ESRRB: variants seen among roughly 807,000 people sequenced by gnomAD.
The protein encoded by ESRRB is estrogen related receptor beta, also known as steroid hormone receptor ERR2.
Under a neutral mutation model 46.0 loss-of-function variants are expected in ESRRB, and 16 were observed. The observed-to-expected ratio is 0.35, with a 90% CI of 0.24 to 0.53. The LOEUF is 0.53. ESRRB is among the 20% of genes least tolerant of loss of function. The pLI is 0.93. For synonymous variants in ESRRB, 246 were observed against 259.6 expected (o/e 0.95, Z 0.50); for missense variants, 488 against 607.4 (o/e 0.80, Z 2.07).
intron 1 of ESRRB, among the ~76,000 whole-genome samples, chr14:76,332,592 A>AT (rs58437009): frequency 0.021 from 529 of 24,834 alleles, 21 homozygotes; most frequent in East Asian, 0.048. Context: ...ATATTTATAT[A>AT]TTATATATTA....
chr14:76,360,783 T>C (rs921965022), intron 1 of ESRRB, among the ~76,000 whole-genome samples: 8 of 152,308 alleles, frequency 5.3e-5, no homozygotes, highest in Middle Eastern at 3.4e-3. Context: ...TAACAGTTGA[T>C]AGATAAAGAG....
intron 3 of ESRRB, among the ~76,000 whole-genome samples, chr14:76,478,422 C>T (rs376704729): frequency 8.4e-4 from 117 of 139,612 alleles, no homozygotes; most frequent in African/African-American, 2.9e-3. Flanking sequence ...CTTGCCTTGC[C>T]GAGGGACAGA....
Position 76,482,077 on chromosome 14 carries a change from G to A in ESRRB, c.639G>A (p.Glu213=), listed in dbSNP as rs1889827584. 2 of 1,614,128 alleles carry A rather than the reference G, an allele frequency of 1.2e-6. No individual in the cohort carries two copies. The highest frequency in any genetic ancestry group is 3.3e-5 in the Admixed American group (2 of 60,008). ...AATACAAGCGACGGCTGGACTCAGA[G>A]AGCAGCCCATACCTGAGCTTACAAA... ...RQKYKRRLDS[E]SSPYLSLQIS... is the part of the protein sequence containing the mutation. The change falls in exon 4 of 7, where the codon GAG becomes GAA. Residue 213 remains glutamate, a synonymous_variant. Coordinates refer to ENST00000644823, the MANE Select transcript of ESRRB (RefSeq NM_001379180.1). This position sits in a 1 kb window ranked among gnomAD's most constrained non-coding sequence, Gnocchi z 4.3.
In ESRRB at chr14:76,453,458, T is replaced by C. The variant is rs185459625; in HGVS notation, c.461-9087T>C. Among the ~76,000 whole-genome samples the C allele has an allele frequency of 4.6e-5, 7 of 152,250 alleles. No homozygotes were observed. The East Asian group carries it at 1.3e-3, about 29-fold the overall frequency. Reference sequence around the variant, plus strand: ...AGAGGATGACTCTGTGAAAAAAACATGAAAACAATGACTGATCAAAAATGA... The same window carrying C: ...AGAGGATGACTCTGTGAAAAAAACACGAAAACAATGACTGATCAAAAATGA... On this transcript the variant is annotated intron_variant, in intron 2 of 6. Coordinates refer to ENST00000644823, the MANE Select transcript of ESRRB (RefSeq NM_001379180.1).
At chr14:76,344,231 A>G (rs1884222911) in intron 1 of ESRRB, among the ~76,000 whole-genome samples, 1 of 152,236 alleles carries the variant, frequency 6.6e-6, no homozygotes, top group Admixed American at 6.5e-5. Context: ...TGCTCAAAAT[A>G]TTCACTATTG....
In ESRRB at chr14:76,418,491, C is replaced by A. The variant is rs1049359132; in HGVS notation, c.51-20850C>A. 2.0e-5 allele frequency among the ~76,000 whole-genome samples: 3 copies of A among 152,170 alleles called. No homozygotes were observed. In the East Asian group the frequency reaches 5.8e-4, roughly 29 times the overall value. ...ATTTTTCCATTGATGTCCTTTTTCT[C>A]TTCCAGGATCCCATGCAGAATCCCA... On this transcript the variant is annotated intron_variant, in intron 1 of 6. Coordinates refer to ENST00000644823, the MANE Select transcript of ESRRB (RefSeq NM_001379180.1).
intron 1 of ESRRB, among the ~76,000 whole-genome samples, chr14:76,416,519 G>C (rs1330456509): frequency 1.3e-5 from 2 of 151,998 alleles, no homozygotes; most frequent in Non-Finnish European, 2.9e-5. Context: ...GCCCGGGCTA[G>C]AGTGCAATGG....
chr14:76,327,772 T>C (rs1883952659), intron 1 of ESRRB, among the ~76,000 whole-genome samples: 1 of 152,122 alleles, frequency 6.6e-6, no homozygotes, highest in Non-Finnish European at 1.5e-5. Flanking sequence ...GGTGTGATCT[T>C]GGCTCACTGC....
At chr14:76,388,147 G>T (rs1234393076) in intron 1 of ESRRB, among the ~76,000 whole-genome samples, 1 of 150,564 alleles carries the variant, frequency 6.6e-6, no homozygotes. Context: ...GTCGCTCATT[G>T]CATCTAGAAT....
rs116426469 is a variant in ESRRB at position 76,340,890 on chromosome 14, C to T, written c.2+29974C>T. On this transcript the variant is annotated intron_variant, in intron 1 of 6. Coordinates refer to the ESRRB transcript ENST00000512784. The stretch of plus-strand genomic sequence containing the variant: ...GTGGAGCTGAACTGCAATGTCTGCT[C>T]TCTCTGTTATGAACTGAGTGAGCTC... Among the ~76,000 whole-genome samples the T allele has an allele frequency of 4.6e-3, 705 of 152,278 alleles. 5 individuals are homozygous for T. The highest frequency in any genetic ancestry group is 0.016 in the African/African-American group (674 of 41,544).
intron 1 of ESRRB, among the ~76,000 whole-genome samples, chr14:76,345,468 A>G (rs1196066285): frequency 6.6e-6 from 1 of 152,250 alleles, no homozygotes; most frequent in Non-Finnish European, 1.5e-5. Flanking sequence ...GATCAGGGAA[A>G]TGCAAATCAA....
chr14:76,343,003 G>A (rs1020152711), intron 1 of ESRRB, among the ~76,000 whole-genome samples: 2 of 152,222 alleles, frequency 1.3e-5, no homozygotes, highest in African/African-American at 2.4e-5. Context: ...GGAGTGGACA[G>A]GGGAGATGAA....
At chr14:76,312,314 A>G (rs1883747627) in intron 1 of ESRRB, among the ~76,000 whole-genome samples, 1 of 152,074 alleles carries the variant, frequency 6.6e-6, no homozygotes, top group Admixed American at 6.6e-5. Flanking sequence ...AAGCAATTTG[A>G]TATCATTTTT....
At chr14:76,412,763 C>T (rs542083975) in intron 1 of ESRRB, among the ~76,000 whole-genome samples, 1 of 152,274 alleles carries the variant, frequency 6.6e-6, no homozygotes, top group East Asian at 1.9e-4. Context: ...AAATAGCTGG[C>T]TTTGCTAATG....
chr14:76,478,206 G>C (rs10131826), intron 3 of ESRRB, among the ~76,000 whole-genome samples: 22 of 152,108 alleles, frequency 1.4e-4, no homozygotes, highest in Admixed American at 1.4e-3. Flanking sequence ...TGGCCTTAAC[G>C]GGTGCCTAGT....
At chr14:76,415,131 G>A (rs1185323209) in intron 1 of ESRRB, among the ~76,000 whole-genome samples, 1 of 152,172 alleles carries the variant, frequency 6.6e-6, no homozygotes, top group African/African-American at 2.4e-5. Context: ...GGTGGGGTTG[G>A]GGACTGGCAA....
At chr14:76,489,445 C>CACACACACACA (rs1555344591) in intron 5 of ESRRB, among the ~76,000 whole-genome samples, 1 of 129,676 alleles carries the variant, frequency 7.7e-6, no homozygotes. Context: ...ATCTGGACAA[C>CACACACACACA]CACACACACA....
chr14:76,486,732 G>C (rs1443516894), intron 5 of ESRRB, among the ~76,000 whole-genome samples: 1 of 152,132 alleles, frequency 6.6e-6, no homozygotes, highest in Non-Finnish European at 1.5e-5. Context: ...CTCTGGGCAG[G>C]CCCGAGAGCC....
rs71122527 is a variant in ESRRB, at chr14:76,333,445, A to ATT, written c.2+22530_2+22531insTT. Among the ~76,000 whole-genome samples the ATT allele has an allele frequency of 1.6e-3, 208 of 129,890 alleles. 6 individuals are homozygous for ATT. Among genetic ancestry groups the ATT allele is most frequent in the Non-Finnish European group, 2.6e-3 (163 of 63,538 alleles). 85.2% of individuals were successfully genotyped at this position (129,890 alleles called of 152,430 possible). On this transcript the variant is annotated intron_variant, in intron 1 of 6. Transcript: ENST00000512784. Reference sequence around the variant, plus strand: ...TCATATATATATTTATATATGATATATAAGTATATCATATATAAATATATC... The same window carrying ATT: ...TCATATATATATTTATATATGATATATTTAAGTATATCATATATAAATATATC...
Sources: gnomAD v4.1 joint callset for allele counts (sites outside exome capture counted in the v4.1 genomes callset) on GRCh38, gnomAD v4.1.1 for gene constraint, Gnocchi (gnomAD v3.1) non-coding constraint, MANE v1.5 for transcripts, NCBI Gene and HGNC (gene_info 2026-07-23, HGNC 2026-07-21) for gene names.